TMEM184B: variants seen among roughly 807,000 people sequenced by gnomAD.
The protein encoded by TMEM184B is putative MAPK-activating protein FM08.
A neutral mutation model predicts 41.8 loss-of-function variants in TMEM184B; 17 were observed. That is an observed-to-expected ratio of 0.41 (90% CI 0.28 to 0.61). The LOEUF (loss-of-function observed/expected upper bound fraction) is 0.61. Ranked by LOEUF, TMEM184B falls within the 20% of genes least tolerant of loss-of-function variation. TMEM184B has a pLI of 0.34. For synonymous variants in TMEM184B, 240 were observed against 229.5 expected (o/e 1.05, Z -0.41); for missense variants, 393 against 557.8 (o/e 0.70, Z 2.98).
chr22:38,254,851 C>CTT (rs71195097), intron 1 of TMEM184B, among the ~76,000 whole-genome samples: 3,353 of 131,160 alleles, frequency 0.026, 157 homozygotes, highest in African/African-American at 0.09. Context: ...TTGGCACTTT[C>CTT]TTTTTTTTTT....
Position 38,239,089 on chromosome 22 carries a change from G to A in TMEM184B, c.358+6846C>T, listed in dbSNP as rs960436318. Among the ~76,000 whole-genome samples, 1 of 152,174 alleles carries A rather than the reference G, an allele frequency of 6.6e-6. No homozygotes were observed. Among genetic ancestry groups the A allele is most frequent in the Non-Finnish European group, 1.5e-5 (1 of 68,030 alleles). Reference sequence around the variant, plus strand: ...TCTGATCACAGAACTCCCCAGCACTGTCTCAGAGTTGTCTTTATGGCCCAC... The same window carrying A: ...TCTGATCACAGAACTCCCCAGCACTATCTCAGAGTTGTCTTTATGGCCCAC... On this transcript the variant is annotated intron_variant, in intron 3 of 8. Transcript: ENST00000361906. This position sits in a 1 kb window ranked among gnomAD's most constrained non-coding sequence, Gnocchi z 4.6.
rs747531805 is a variant in TMEM184B, at chr22:38,224,935, T to A, written c.832A>T (p.Ile278Phe). Residue 278 changes from isoleucine (I) to phenylalanine (F), a missense_variant, in exon 8 of 9, where the codon ATC becomes TTC. Coordinates refer to ENST00000361906, the MANE Select transcript of TMEM184B (RefSeq NM_012264.5). ...CCCACCGACACGCGGGCCGAGTGGA[T>A]TTTGGGGATGGCCCCACACTTCTCC... ...ILEKCGAIPK[I>F]HSARVSVGEG... The A allele has an allele frequency of 1.2e-6, 2 of 1,603,798 alleles. No individual in the cohort carries two copies. The highest frequency in any genetic ancestry group is 1.7e-6 in the Non-Finnish European group (2 of 1,175,128).
chr22:38,250,062 G>A (rs573894640), intron 1 of TMEM184B, among the ~76,000 whole-genome samples: 22 of 152,308 alleles, frequency 1.4e-4, no homozygotes, highest in African/African-American at 3.6e-4. Flanking sequence ...CGACCGTCTC[G>A]GTCTGAACCC....
downstream of TMEM184B, among the ~76,000 whole-genome samples, chr22:38,218,729 C>T (rs780388815): frequency 3.3e-5 from 5 of 152,178 alleles, no homozygotes; most frequent in African/African-American, 4.8e-5. Context: ...CAGGAAGCTG[C>T]GGGAGGACGC....
At chr22:38,233,986 C>A (rs2145616021) in intron 3 of TMEM184B, among the ~76,000 whole-genome samples, 1 of 151,356 alleles carries the variant, frequency 6.6e-6, no homozygotes, top group South Asian at 2.1e-4. Context: ...CCAGGGTGGT[C>A]TTGAACTCCT....
In TMEM184B at chr22:38,221,199, G is replaced by C. The variant is rs988465393; in HGVS notation, c.*270C>G. ...TCCCAGCATGCCCCCAGCACAGGAC[G>C]GGCAGCAGGGGCATAAGCCTTGCTC... On this transcript the variant is annotated 3_prime_UTR_variant, in exon 9 of 9. Coordinates refer to ENST00000361906, the MANE Select transcript of TMEM184B (RefSeq NM_012264.5). 23 of 1,309,456 alleles carry C rather than the reference G, an allele frequency of 1.8e-5. No homozygotes were observed. Among genetic ancestry groups the C allele is most frequent in the African/African-American group, 4.5e-5 (3 of 66,370 alleles). 81.1% of individuals were successfully genotyped at this position (1,309,456 alleles called of 1,614,324 possible).
rs1202280280 is a variant in TMEM184B at position 38,224,982 on chromosome 22, G to A, written c.788-3C>T. The A allele has an allele frequency of 6.4e-7, 1 of 1,555,616 alleles. No homozygotes were observed. The highest frequency in any genetic ancestry group is 8.7e-7 in the Non-Finnish European group (1 of 1,149,592). On this transcript the variant is annotated splice_region_variant and splice_polypyrimidine_tract_variant and intron_variant, in intron 7 of 8. Coordinates refer to ENST00000361906, the MANE Select transcript of TMEM184B (RefSeq NM_012264.5). ...CTCCAGGATGGCCAGGAGCATGCCTGGATGGGGAGGCACGGGTGTCTGGAC... is the reference window on the plus strand; with the variant it reads ...CTCCAGGATGGCCAGGAGCATGCCTAGATGGGGAGGCACGGGTGTCTGGAC...
intron 1 of TMEM184B, among the ~76,000 whole-genome samples, chr22:38,267,711 G>T (rs557607226): frequency 6.6e-6 from 1 of 152,106 alleles, no homozygotes; most frequent in African/African-American, 2.4e-5. Context: ...GGGATTACAG[G>T]TGTGAGCCAC....
At position 38,225,200 on chromosome 22, in the gene TMEM184B, G is replaced by T. The variant is rs1246596771; in HGVS notation, c.788-221C>A. On this transcript the variant is annotated intron_variant, in intron 7 of 8. Coordinates refer to ENST00000361906, the MANE Select transcript of TMEM184B (RefSeq NM_012264.5). The surrounding 1 kb of genome is among the most constrained non-coding windows in gnomAD (Gnocchi z 4.4). ...AACTGAGATGCCAGCAATTACGCAGGGTCTCCTGGGCCCTCTCATCCATGT... is the reference window on the plus strand; with the variant it reads ...AACTGAGATGCCAGCAATTACGCAGTGTCTCCTGGGCCCTCTCATCCATGT... 6.6e-6 allele frequency among the ~76,000 whole-genome samples: 1 copy of T among 152,074 alleles called. No homozygotes were observed. The highest frequency in any genetic ancestry group is 1.5e-5 in the Non-Finnish European group (1 of 68,010).
intron 3 of TMEM184B, among the ~76,000 whole-genome samples, chr22:38,243,190 C>T (rs573860665): frequency 2.0e-5 from 3 of 152,236 alleles, no homozygotes; most frequent in South Asian, 2.1e-4. Context: ...ACAGGGTGGC[C>T]GACTTCCTGG....
In TMEM184B at chr22:38,272,877, G is replaced by A. The variant is rs2092546891; in HGVS notation, c.-59+7C>T. The A allele has an allele frequency of 1.1e-6, 1 of 898,792 alleles. No individual in the cohort carries two copies. The highest frequency in any genetic ancestry group is 1.3e-6 in the Non-Finnish European group (1 of 751,118). 55.7% of individuals were successfully genotyped at this position (898,792 alleles called of 1,614,324 possible). On this transcript the variant is annotated splice_region_variant and intron_variant, in intron 1 of 8. Transcript: ENST00000361906. ...GGCTCCCGGGCGAGGCCGGCCAGGC[G>A]GGATACCTCAGGAGCCCATGGCGGT...
At chr22:38,235,418 A>C (rs564059799) in intron 3 of TMEM184B, among the ~76,000 whole-genome samples, 12 of 152,350 alleles carry the variant, frequency 7.9e-5, no homozygotes, top group Admixed American at 7.8e-4. Flanking sequence ...AACACATGTC[A>C]GCAGTCAGCA....
intron 1 of TMEM184B, among the ~76,000 whole-genome samples, chr22:38,255,838 A>C (rs1190427145): frequency 1.3e-5 from 2 of 152,228 alleles, no homozygotes; most frequent in Admixed American, 6.5e-5. Flanking sequence ...AGCTATAAAG[A>C]TGGAGCATGG....
intron 3 of TMEM184B, among the ~76,000 whole-genome samples, chr22:38,234,805 G>GA (rs779830660): frequency 3.3e-4 from 51 of 152,316 alleles, no homozygotes; most frequent in Admixed American, 1.1e-3. Context: ...ATGGGCCCTG[G>GA]AGACAGCCTG....
In TMEM184B at chr22:38,231,518, C is replaced by T. The variant is rs2091621195; in HGVS notation, c.359-184G>A. On this transcript the variant is annotated intron_variant, in intron 3 of 8. Transcript: ENST00000361906. ...AACACAGACATCTGACCTCCCACTCCTAAGTTCAAAACCCGGCACACCTAA... is the reference window on the plus strand; with the variant it reads ...AACACAGACATCTGACCTCCCACTCTTAAGTTCAAAACCCGGCACACCTAA... The T allele has an allele frequency of 5.6e-6, 4 of 709,840 alleles. No individual in the cohort carries two copies. The South Asian group carries it at 6.0e-5, about 11-fold the overall frequency. The allele number at this position is 709,840 out of a possible 1,614,324, so 44.0% of individuals were successfully genotyped here. A position where few individuals can be genotyped will look rare whatever the true frequency, so the allele number is the denominator to read the frequency against.
chr22:38,230,569 G>A (rs973575028), intron 5 of TMEM184B, 100 bp downstream of exon 5: 251 of 1,263,740 alleles, frequency 2.0e-4, no homozygotes, highest in Non-Finnish European at 3.1e-5. Flanking sequence ...TGCCTCATAG[G>A]AAAGGGGACC....
chr22:38,254,204 CAAA>C (rs61216492), intron 1 of TMEM184B, among the ~76,000 whole-genome samples: 2 of 86,552 alleles, frequency 2.3e-5, no homozygotes, highest in African/African-American at 4.3e-5. Context: ...CTCTTGTCTC[CAAA>C]AAAAAAAAAA....
Position 38,225,978 on chromosome 22 carries a change from CT to C in TMEM184B, c.618-386del, listed in dbSNP as rs148289621. Among the ~76,000 whole-genome samples the C allele has an allele frequency of 0.012, 1,849 of 152,282 alleles. 42 individuals carry two copies. Among genetic ancestry groups the C allele is most frequent in the African/African-American group, 0.043 (1,774 of 41,524 alleles). On this transcript the variant is annotated intron_variant, in intron 6 of 8. Transcript: ENST00000361906. This position sits in a 1 kb window ranked among gnomAD's most constrained non-coding sequence, Gnocchi z 4.4. ...TTTTCACTCGGTCGGCTGCATCCCC[CT>C]GACCTCCTTTTGCCCACCTGCCCTG...
At chr22:38,256,641 T>TAAAG (rs1288022174) in intron 1 of TMEM184B, among the ~76,000 whole-genome samples, 2 of 152,356 alleles carry the variant, frequency 1.3e-5, no homozygotes, top group East Asian at 3.9e-4. Context: ...TTCTGCTGTC[T>TAAAG]AAAGCTTTTT....
Sources: gnomAD v4.1 joint callset for allele counts (sites outside exome capture counted in the v4.1 genomes callset) on GRCh38, gnomAD v4.1.1 for gene constraint, Gnocchi (gnomAD v3.1) non-coding constraint, MANE v1.5 for transcripts, NCBI Gene and HGNC (gene_info 2026-07-23, HGNC 2026-07-21) for gene names.